ABHD12B: variants seen among roughly 807,000 people sequenced by gnomAD.
The protein encoded by ABHD12B is protein ABHD12B.
ABHD12B carries 42 observed loss-of-function variants against 50.4 expected under a neutral mutation model. That is an observed-to-expected ratio of 0.83 (90% CI 0.65 to 1.08). ABHD12B has a LOEUF of 1.08. Among genes scored for constraint, ABHD12B ranks in the 50% least tolerant of loss-of-function variants. The pLI is 0.00. For synonymous variants in ABHD12B, 167 were observed against 160.3 expected (o/e 1.04, Z -0.32); for missense variants, 479 against 447.7 (o/e 1.07, Z -0.63).
At chr14:50,884,707 T>C (rs75407476) in intron 5 of ABHD12B, among the ~76,000 whole-genome samples, 5 of 246 alleles carry the variant, frequency 0.02, 2 homozygotes, top group Admixed American at 0.11. Flanking sequence ...TTCTTCTTTT[T>C]TTTTTTTTTT....
At chr14:50,897,770 G>A (rs2050215393) in intron 9 of ABHD12B, among the ~76,000 whole-genome samples, 1 of 152,178 alleles carries the variant, frequency 6.6e-6, no homozygotes, top group Non-Finnish European at 1.5e-5. Flanking sequence ...AGGGGTTGGC[G>A]AAGACCACTG....
chr14:50,880,743 T>TATTGCCAGAACACCTAC (rs1374058775), intron 4 of ABHD12B, among the ~76,000 whole-genome samples, 172 bp downstream of exon 4: 4 of 152,236 alleles, frequency 2.6e-5, no homozygotes, highest in Non-Finnish European at 5.9e-5. Flanking sequence ...TTAAAAAGAT[T>TATTGCCAGAACACCTAC]ATTCTATATG....
At chr14:50,889,595 G>A (rs373719751) in intron 9 of ABHD12B, among the ~76,000 whole-genome samples, 1 of 152,172 alleles carries the variant, frequency 6.6e-6, no homozygotes, top group Non-Finnish European at 1.5e-5. Context: ...CTGAGATCAC[G>A]CCACTACACT....
intron 5 of ABHD12B, among the ~76,000 whole-genome samples, chr14:50,881,831 C>T (rs1452323063): frequency 6.6e-6 from 1 of 152,148 alleles, no homozygotes; most frequent in East Asian, 1.9e-4. Flanking sequence ...CTCTAGGTCC[C>T]AAAGTACCTT....
intron 3 of ABHD12B, among the ~76,000 whole-genome samples, chr14:50,879,402 C>T (rs2049909023): frequency 6.6e-6 from 1 of 152,210 alleles, no homozygotes; most frequent in African/African-American, 2.4e-5. Flanking sequence ...ATAGCTTCAG[C>T]AGGTGATAGA....
At position 50,873,324 on chromosome 14, in the gene ABHD12B, T is replaced by C. The variant is rs560290658; in HGVS notation, c.104+1046T>C. Among the ~76,000 whole-genome samples, 5 of 152,106 alleles carry C rather than the reference T, an allele frequency of 3.3e-5. No homozygotes were observed. The East Asian group carries it at 9.7e-4, about 29-fold the overall frequency. On this transcript the variant is annotated intron_variant, in intron 1 of 12. Transcript: ENST00000337334. ...TCCCAGGGCTCCAGCGATCCTCCCG[T>C]CTCAGCCTCCCCAGTAGCTGGGACT... is the stretch of plus-strand genomic sequence containing the variant.
At chr14:50,872,404 T>C (rs961174195) in intron 1 of ABHD12B, 126 bp downstream of exon 1, 8 of 650,288 alleles carry the variant, frequency 1.2e-5, no homozygotes, top group Middle Eastern at 5.0e-4. Context: ...AGGCCCAGCA[T>C]TGTGGCTTCC....
rs150428877 is a variant in ABHD12B, at chr14:50,888,878, C to A, written c.755C>A (p.Ala252Glu). Residue 252 changes from alanine to glutamate, a missense_variant, in exon 9 of 13, where the codon GCA (alanine) becomes GAA (glutamate). Ala to Glu is a moderately radical substitution (Grantham distance 107). Coordinates refer to ENST00000337334, the MANE Select transcript of ABHD12B (RefSeq NM_001206673.2). ...LEAPFTNMWV[A>E]SINYPLLKIY... The stretch of plus-strand genomic sequence containing the variant: ...GCTCCATTTACCAACATGTGGGTTG[C>A]AAGTATCAATTATCCCTTGTTAAAG... 284 of 1,614,044 alleles carry A rather than the reference C, an allele frequency of 1.8e-4. No homozygotes were observed. The African/African-American group carries it at 3.3e-3, about 19-fold the overall frequency.
rs150681086 is a variant in ABHD12B at position 50,880,498 on chromosome 14, T to A, written c.382T>A (p.Cys128Ser). 1.6e-5 allele frequency: 25 copies of A among 1,611,802 alleles called. No homozygotes were observed. The highest frequency in any genetic ancestry group is 2.0e-5 in the Non-Finnish European group (24 of 1,178,938). Residue 128 changes from cysteine to serine, a missense_variant, in exon 4 of 13, where the codon TGT (cysteine) becomes AGT (serine). By Grantham distance (112) the Cys-to-Ser change is moderately radical (BLOSUM62 -1). Transcript: ENST00000337334. ...CRGEDAKGKD[C>S]CWYEAALRDG... ...GGGGGAAGATGCCAAGGGGAAGGAC[T>A]GTTGCTGGTATGAAGCAGCCCTTCG...
intron 3 of ABHD12B, among the ~76,000 whole-genome samples, chr14:50,879,775 C>T (rs912375044): frequency 5.3e-5 from 8 of 152,246 alleles, no homozygotes; most frequent in African/African-American, 1.4e-4. Context: ...GCTCATCCAG[C>T]AGGCAGCAGT....
At chr14:50,895,040 A>G (rs1259331035) in intron 9 of ABHD12B, among the ~76,000 whole-genome samples, 14 of 148,916 alleles carry the variant, frequency 9.4e-5, no homozygotes, top group African/African-American at 3.4e-4. Context: ...AGTCAAGGTT[A>G]ATGCTCCTTT....
At chr14:50,891,658 T>G (rs148031194) in intron 9 of ABHD12B, 18 of 152,338 alleles carry the variant, frequency 1.2e-4, no homozygotes, top group African/African-American at 3.8e-4. Flanking sequence ...CAAGATACTC[T>G]TCTATGTTGT....
Position 50,889,770 on chromosome 14 carries a change from G to A in ABHD12B, c.780+867G>A, listed in dbSNP as rs537328287. Among the ~76,000 whole-genome samples, 11 of 152,376 alleles carry A rather than the reference G, an allele frequency of 7.2e-5. No homozygotes were observed. In the South Asian group the frequency reaches 1.7e-3, roughly 23 times the overall value. On this transcript the variant is annotated intron_variant, in intron 9 of 12. Coordinates refer to ENST00000337334, the MANE Select transcript of ABHD12B (RefSeq NM_001206673.2). ...TGAGAGGTGGGGAGAGAGAGAGAGC[G>A]AAAGTCTTAGAGGGATACATGGCCT...
intron 9 of ABHD12B, among the ~76,000 whole-genome samples, chr14:50,898,192 ACT>A (rs1185079174): frequency 1.3e-5 from 2 of 152,094 alleles, no homozygotes; most frequent in Admixed American, 6.5e-5. Context: ...CCTCACAGCA[ACT>A]CTCTGAGTTT....
rs369968891 is a variant in ABHD12B, at chr14:50,895,983, C to T, written c.781-5846C>T. 2.6e-5 allele frequency among the ~76,000 whole-genome samples: 4 copies of T among 151,828 alleles called. 1 individual carries two copies. Among genetic ancestry groups the T allele is most frequent in the South Asian group, 4.2e-4 (2 of 4,812 alleles). On this transcript the variant is annotated intron_variant, in intron 9 of 12. Transcript: ENST00000337334. Reference sequence around the variant, plus strand: ...ATCTGCTTCCCTGACTATTCCTGGACTACAGCTATATCTCATTGCCGCCCT... The same window carrying T: ...ATCTGCTTCCCTGACTATTCCTGGATTACAGCTATATCTCATTGCCGCCCT...
At chr14:50,886,830 T>G in intron 8 of ABHD12B, 146 bp downstream of exon 8, 1 of 635,708 alleles carries the variant, frequency 1.6e-6, no homozygotes, top group Non-Finnish European at 2.7e-6. Flanking sequence ...ACAGGCTTTC[T>G]TTTTGATCTC....
chr14:50,887,114 T>C (rs1362306776), intron 8 of ABHD12B, among the ~76,000 whole-genome samples: 1 of 144,274 alleles, frequency 6.9e-6, no homozygotes, highest in African/African-American at 2.6e-5. Context: ...CTTGGGAGGT[T>C]GAGGCAGGAG....
Position 50,904,123 on chromosome 14 carries a change from T to A in ABHD12B, c.992T>A (p.Met331Lys). ...NAYRNKERVK[M>K]VIFPPGFQHN... Reference sequence around the variant, plus strand: ...TACAGGAACAAAGAGAGGGTCAAGATGGTTATCTTTCCTCCTGGCTTCCAA... The same window carrying A: ...TACAGGAACAAAGAGAGGGTCAAGAAGGTTATCTTTCCTCCTGGCTTCCAA... The change falls in exon 12 of 13, where the codon ATG (methionine) becomes AAG (lysine). Residue 331 changes from methionine to lysine, a missense_variant. Coordinates refer to ENST00000337334, the MANE Select transcript of ABHD12B (RefSeq NM_001206673.2). 6.2e-7 allele frequency: 1 copy of A among 1,614,104 alleles called. No individual in the cohort carries two copies. Among genetic ancestry groups the A allele is most frequent in the Middle Eastern group, 1.6e-4 (1 of 6,062 alleles).
intron 9 of ABHD12B, among the ~76,000 whole-genome samples, chr14:50,898,031 G>A (rs1008469737): frequency 2.6e-5 from 4 of 152,168 alleles, no homozygotes; most frequent in Admixed American, 6.5e-5. Context: ...CTTTCTTGAA[G>A]GTGAGGGAAA....
Sources: gnomAD v4.1 joint callset for allele counts (sites outside exome capture counted in the v4.1 genomes callset) on GRCh38, gnomAD v4.1.1 for gene constraint, MANE v1.5 for transcripts, NCBI Gene and HGNC (gene_info 2026-07-23, HGNC 2026-07-21) for gene names.